NEK11: variants seen among roughly 807,000 people sequenced by gnomAD.
NEK11 encodes NIMA related kinase 11.
In NEK11, 72 loss-of-function variants were observed where a neutral mutation model predicts 80.7. The ratio of observed to expected loss-of-function variants is 0.89; its 90% CI spans 0.74 to 1.08. The LOEUF (loss-of-function observed/expected upper bound fraction) is 1.08, where lower values mean the gene tolerates loss of function less well. Ranked by LOEUF, NEK11 falls within the 50% of genes least tolerant of loss-of-function variation. The probability of loss-of-function intolerance (pLI) is 0.00; values close to 1 mark genes in which losing one functional copy is unlikely to be tolerated. For synonymous variants in NEK11, 251 were observed against 260.7 expected (o/e 0.96, Z 0.36); for missense variants, 764 against 763.6 (o/e 1.00, Z -0.01).
chr3:131,088,514 C>G (rs1009368301), intron 4 of NEK11, among the ~76,000 whole-genome samples: 5 of 152,088 alleles, frequency 3.3e-5, no homozygotes, highest in Non-Finnish European at 7.3e-5. Flanking sequence ...AAGGCTTTAG[C>G]TGTCATATGA....
chr3:131,333,996 T>C (rs1425684263), intron 17 of NEK11, among the ~76,000 whole-genome samples: 1 of 151,090 alleles, frequency 6.6e-6, no homozygotes, highest in Non-Finnish European at 1.5e-5. Context: ...CAGAGAGACT[T>C]AGACTCCCAC....
chr3:131,259,077 C>T (rs1042705464), intron 16 of NEK11, among the ~76,000 whole-genome samples: 5 of 152,138 alleles, frequency 3.3e-5, no homozygotes, highest in African/African-American at 1.2e-4. Flanking sequence ...AACTGAGTCA[C>T]AGATTTTTAC....
At chr3:131,331,185 A>T (rs1296523801) in intron 17 of NEK11, among the ~76,000 whole-genome samples, 1 of 152,210 alleles carries the variant, frequency 6.6e-6, no homozygotes, top group African/African-American at 2.4e-5. Flanking sequence ...TTTACTTTGC[A>T]CTTGCACTTT....
chr3:131,174,343 C>G, intron 14 of NEK11, among the ~76,000 whole-genome samples: 1 of 152,052 alleles, frequency 6.6e-6, no homozygotes, highest in Non-Finnish European at 1.5e-5. Context: ...TTATTTTTTG[C>G]CTTTTAGAAG....
chr3:131,336,690 A>C (rs2097190642), intron 17 of NEK11, among the ~76,000 whole-genome samples: 3 of 152,206 alleles, frequency 2.0e-5, no homozygotes, highest in Admixed American at 2.0e-4. Flanking sequence ...CAACCTACAA[A>C]ATAGGAGAAA....
At chr3:131,192,887 G>A (rs569226243) in intron 14 of NEK11, among the ~76,000 whole-genome samples, 18 of 152,214 alleles carry the variant, frequency 1.2e-4, no homozygotes, top group African/African-American at 4.3e-4. Flanking sequence ...ACAGTGTGAT[G>A]GTGTGGTAAT....
intron 17 of NEK11, among the ~76,000 whole-genome samples, chr3:131,339,012 T>TA (rs1238961569): frequency 1.3e-5 from 2 of 151,868 alleles, no homozygotes; most frequent in Non-Finnish European, 2.9e-5. Context: ...AAAAAATATA[T>TA]AAAAAATAAA....
chr3:131,218,604 A>G (rs1177595655), intron 14 of NEK11, among the ~76,000 whole-genome samples: 4 of 152,184 alleles, frequency 2.6e-5, no homozygotes, highest in Non-Finnish European at 5.9e-5. Context: ...AACCCCCAGT[A>G]CTTCAGAATG....
In NEK11 at chr3:131,170,822, C is replaced by G. The variant is rs2092637867; in HGVS notation, c.1334C>G (p.Pro445Arg). Residue 445 changes from proline to arginine, a missense_variant, in exon 14 of 18, where the codon CCT becomes CGT. Transcript: ENST00000383366. ...AACCTGCCTGAGTCTCAGCCTATTC[C>G]TTCCATGGACCTCCACGAACTTGAA... ...LENLPESQPIPSMDLHELESI... is the reference protein window; with the variant it reads ...LENLPESQPIRSMDLHELESI... 6.2e-7 allele frequency: 1 copy of G among 1,614,032 alleles called. No homozygotes were observed. Among genetic ancestry groups the G allele is most frequent in the African/African-American group, 1.3e-5 (1 of 74,904 alleles).
At chr3:131,210,512 A>G (rs771867506) in intron 14 of NEK11, among the ~76,000 whole-genome samples, 1 of 152,158 alleles carries the variant, frequency 6.6e-6, no homozygotes, top group Non-Finnish European at 1.5e-5. Context: ...AGCTGAGTTC[A>G]ATTCCTGGAT....
intron 5 of NEK11, among the ~76,000 whole-genome samples, chr3:131,113,231 T>A (rs947800688): frequency 1.3e-5 from 2 of 151,896 alleles, no homozygotes; most frequent in Non-Finnish European, 2.9e-5. Context: ...GAAACAATGG[T>A]GATGAGTTTA....
chr3:131,134,406 A>AT (rs35221767), intron 7 of NEK11: 3,151 of 147,894 alleles, frequency 0.021, 44 homozygotes, highest in Middle Eastern at 0.056. Flanking sequence ...AGGATAAACT[A>AT]TTTTTTTTTT....
intron 7 of NEK11, among the ~76,000 whole-genome samples, chr3:131,137,114 C>T (rs1418254030): frequency 6.6e-6 from 1 of 152,094 alleles, no homozygotes; most frequent in Non-Finnish European, 1.5e-5. Context: ...GTGAAGCTCT[C>T]AGGGTCTTTC....
intron 5 of NEK11, among the ~76,000 whole-genome samples, chr3:131,118,614 G>A (rs180758308): frequency 9.2e-5 from 14 of 152,174 alleles, no homozygotes; most frequent in African/African-American, 3.4e-4. Flanking sequence ...GACTTTTTTT[G>A]GTTGGTAGGC....
intron 3 of NEK11, among the ~76,000 whole-genome samples, chr3:131,067,182 T>A (rs1390307833): frequency 6.6e-6 from 1 of 152,214 alleles, no homozygotes; most frequent in Non-Finnish European, 1.5e-5. Flanking sequence ...TAGCTTTTAA[T>A]TATTTGTCTC....
intron 17 of NEK11, among the ~76,000 whole-genome samples, chr3:131,280,870 T>C (rs2096385217): frequency 6.6e-6 from 1 of 152,230 alleles, no homozygotes; most frequent in African/African-American, 2.4e-5. Context: ...TACAGCTGGT[T>C]ATTTCCCATT....
At chr3:131,240,372 G>T (rs1420125367) in intron 15 of NEK11, among the ~76,000 whole-genome samples, 7 of 152,118 alleles carry the variant, frequency 4.6e-5, no homozygotes, top group African/African-American at 1.7e-4. Flanking sequence ...CTGCAGCTTG[G>T]ACAGTACGCC....
intron 14 of NEK11, among the ~76,000 whole-genome samples, chr3:131,183,062 G>A (rs974132012): frequency 1.3e-5 from 2 of 152,228 alleles, no homozygotes; most frequent in African/African-American, 4.8e-5. Flanking sequence ...TATACATTTT[G>A]AACAGGACCA....
intron 17 of NEK11, among the ~76,000 whole-genome samples, chr3:131,279,195 C>T (rs2096354846): frequency 6.6e-6 from 1 of 151,610 alleles, no homozygotes; most frequent in Admixed American, 6.6e-5. Context: ...ACTAAAAATA[C>T]AAAAATTAGC....
Sources: gnomAD v4.1 joint callset for allele counts (sites outside exome capture counted in the v4.1 genomes callset) on GRCh38, gnomAD v4.1.1 for gene constraint, MANE v1.5 for transcripts, NCBI Gene and HGNC (gene_info 2026-07-23, HGNC 2026-07-21) for gene names.